The following COA1 variants were observed in gnomAD, a reference collection of about 807,000 sequenced individuals.
The protein encoded by COA1 is cytochrome c oxidase assembly factor 1 homolog.
COA1 carries 13 observed loss-of-function variants against 16.0 expected under a neutral mutation model. That is an observed-to-expected ratio of 0.81 (90% CI 0.53 to 1.29). The LOEUF (loss-of-function observed/expected upper bound fraction) is 1.29. COA1 is among the 50% of genes most tolerant of loss of function. The pLI, the probability that COA1 is intolerant of heterozygous loss-of-function variation, is 0.00. For synonymous variants in COA1, 65 were observed against 65.7 expected, an observed-to-expected ratio of 0.99 and a Z score of 0.05; for missense variants, 179 against 177.0, an observed-to-expected ratio of 1.01 and a Z score of -0.06.
intron 1 of COA1, among the ~76,000 whole-genome samples, chr7:43,673,090 C>T: frequency 6.6e-6 from 1 of 152,186 alleles, no homozygotes; most frequent in East Asian, 1.9e-4. Flanking sequence ...GAAATACATT[C>T]TGGACATAGG....
intron 1 of COA1, among the ~76,000 whole-genome samples, chr7:43,673,035 T>C (rs1450435508): frequency 6.6e-6 from 1 of 152,162 alleles, no homozygotes; most frequent in Non-Finnish European, 1.5e-5. Flanking sequence ...ACTAAAGACT[T>C]AGATGTAAAA....
chr7:43,675,905 T>C (rs972189843), intron 1 of COA1, among the ~76,000 whole-genome samples: 21 of 152,158 alleles, frequency 1.4e-4, no homozygotes, highest in African/African-American at 5.1e-4. Flanking sequence ...GGCTCACTTG[T>C]ACTATTTAAA....
chr7:43,700,527 C>CATACATATAT (rs371169314), intron 1 of COA1, among the ~76,000 whole-genome samples: 1 of 139,118 alleles, frequency 7.2e-6, no homozygotes. Flanking sequence ...AAAATGTAGG[C>CATACATATAT]AGATATATAT....
At chr7:43,729,247 T>A (rs1305290784) in intron 1 of COA1, among the ~76,000 whole-genome samples, 182 bp downstream of exon 1, 2 of 152,172 alleles carry the variant, frequency 1.3e-5, no homozygotes, top group African/African-American at 2.4e-5. Context: ...GGTTACCAGG[T>A]GCCAAAGAAG....
intron 1 of COA1, among the ~76,000 whole-genome samples, chr7:43,657,594 C>T (rs10081363): frequency 0.15 from 22,346 of 152,046 alleles, 2,189 homozygotes; most frequent in Non-Finnish European, 0.21. Context: ...GAGAACAAAA[C>T]AGACAGGTCA....
At chr7:43,723,579 A>G (rs2095552410) in intron 1 of COA1, among the ~76,000 whole-genome samples, 1 of 152,044 alleles carries the variant, frequency 6.6e-6, no homozygotes, top group Admixed American at 6.6e-5. Context: ...TCCATTTTAG[A>G]GTCTGTCATG....
intron 6 of COA1, among the ~76,000 whole-genome samples, chr7:43,621,497 TGA>T (rs1371033808): frequency 6.6e-6 from 1 of 152,210 alleles, no homozygotes; most frequent in Non-Finnish European, 1.5e-5. Flanking sequence ...TGTTGTTGTT[TGA>T]GAGAGTCTCA....
intron 6 of COA1, among the ~76,000 whole-genome samples, chr7:43,615,126 T>C (rs1027485976): frequency 6.6e-6 from 1 of 152,212 alleles, no homozygotes; most frequent in Non-Finnish European, 1.5e-5. Context: ...CTATCAAATT[T>C]GCCTGAATAA....
At chr7:43,612,131 G>T (rs1237746175) in intron 6 of COA1, among the ~76,000 whole-genome samples, 1 of 152,158 alleles carries the variant, frequency 6.6e-6, no homozygotes, top group Non-Finnish European at 1.5e-5. Context: ...TTCAGTAGAG[G>T]CCTTGATGAC....
At chr7:43,658,663 T>C (rs764435752) in intron 1 of COA1, 4 of 152,166 alleles carry the variant, frequency 2.6e-5, no homozygotes, top group Admixed American at 2.6e-4. Context: ...GGAAATGCCA[T>C]GTGAAGACTC....
At chr7:43,722,423 A>G (rs542346305) in intron 1 of COA1, among the ~76,000 whole-genome samples, 16 of 147,014 alleles carry the variant, frequency 1.1e-4, no homozygotes, top group South Asian at 1.1e-3. Flanking sequence ...CGACAAAACG[A>G]GAGTCTCGTT....
intron 4 of COA1, among the ~76,000 whole-genome samples, chr7:43,642,508 A>G (rs1340183872): frequency 6.6e-6 from 1 of 152,208 alleles, no homozygotes; most frequent in Non-Finnish European, 1.5e-5. Context: ...GTCAAGCTAC[A>G]GCTTTTCTCT....
At chr7:43,658,044 A>T (rs1487745934) in intron 1 of COA1, among the ~76,000 whole-genome samples, 2 of 151,890 alleles carry the variant, frequency 1.3e-5, no homozygotes, top group Non-Finnish European at 2.9e-5. Context: ...AAATTAAAAT[A>T]AAAAAATTAA....
intron 4 of COA1, 132 bp downstream of exon 4, chr7:43,645,119 A>G: frequency 3.6e-6 from 2 of 554,108 alleles, no homozygotes; most frequent in South Asian, 6.3e-5. Flanking sequence ...CTTTTTTTAA[A>G]GGTGCCAAAC....
At chr7:43,626,627 T>A (rs535777303) in intron 6 of COA1, 3 of 152,244 alleles carry the variant, frequency 2.0e-5, no homozygotes, top group Admixed American at 6.5e-5. Flanking sequence ...TAGGCAAATA[T>A]TTATCTCTCT....
At chr7:43,619,313 G>GA (rs762713652) in intron 6 of COA1, among the ~76,000 whole-genome samples, 27 of 152,180 alleles carry the variant, frequency 1.8e-4, no homozygotes, top group Non-Finnish European at 3.7e-4. Context: ...TGCATGCAAG[G>GA]AGATTCAGGA....
At chr7:43,729,093 C>T (rs569550098) in intron 1 of COA1, among the ~76,000 whole-genome samples, 4 of 152,314 alleles carry the variant, frequency 2.6e-5, no homozygotes, top group African/African-American at 7.2e-5. Context: ...TTTAGCACTA[C>T]CAACAAAAGT....
chr7:43,710,394 A>ATATAT (rs1417053077), intron 1 of COA1, among the ~76,000 whole-genome samples: 1 of 135,390 alleles, frequency 7.4e-6, no homozygotes, highest in African/African-American at 2.7e-5. Context: ...ATATATATAT[A>ATATAT]TTTTTAAGAT....
At chr7:43,668,109 C>G (rs769627699) in intron 1 of COA1, among the ~76,000 whole-genome samples, 12 of 152,192 alleles carry the variant, frequency 7.9e-5, no homozygotes, top group Non-Finnish European at 1.0e-4. Context: ...AGGAATCAAG[C>G]TTGACATGCA....
Sources: gnomAD v4.1 joint callset for allele counts (sites outside exome capture counted in the v4.1 genomes callset) on GRCh38, gnomAD v4.1.1 for gene constraint, MANE v1.5 for transcripts, NCBI Gene and HGNC (gene_info 2026-07-23, HGNC 2026-07-21) for gene names.